Variants in AQP6 observed in about 807,000 individuals in gnomAD.
The protein encoded by AQP6 is aquaporin-6.
Under a neutral mutation model 16.3 loss-of-function variants are expected in AQP6, and 14 were observed. That is an observed-to-expected ratio of 0.86 (90% CI 0.57 to 1.34). The LOEUF is 1.34. Ranked by LOEUF, AQP6 falls within the 40% of genes most tolerant of loss-of-function variation. The pLI is 0.00. For synonymous variants in AQP6, 178 were observed against 166.8 expected (o/e 1.07, Z -0.52); for missense variants, 331 against 379.7 (o/e 0.87, Z 1.07).
chr12:49,973,037 G>A lies in AQP6; in HGVS notation c.-137G>A. 8.2e-7 allele frequency: 1 copy of A among 1,215,988 alleles called. No individual in the cohort carries two copies. Among genetic ancestry groups the A allele is most frequent in the Non-Finnish European group, 1.1e-6 (1 of 897,998 alleles). The allele number at this position is 1,215,988 out of a possible 1,614,324, so 75.3% of individuals were successfully genotyped here. A position where few individuals can be genotyped will look rare whatever the true frequency, so the allele number is the denominator to read the frequency against. On this transcript the variant is annotated 5_prime_UTR_variant, in exon 1 of 4. Coordinates refer to ENST00000315520, the MANE Select transcript of AQP6 (RefSeq NM_001652.4). Reference sequence around the variant, plus strand: ...AGCGTGGTGGAGGAGCTGCAGGTGGGGGCCAGAGAAGCCTCCACAGAGAGC... The same window carrying A: ...AGCGTGGTGGAGGAGCTGCAGGTGGAGGCCAGAGAAGCCTCCACAGAGAGC...
intron 3 of AQP6, 139 bp downstream of exon 3, chr12:49,974,965 A>C (rs1947560760): frequency 6.9e-7 from 1 of 1,448,030 alleles, no homozygotes; most frequent in East Asian, 2.5e-5. Flanking sequence ...TTTCGGCTTC[A>C]GTTGCCCAGG....
Position 49,973,228 on chromosome 12 carries a change from C to A in AQP6, c.55C>A (p.Leu19Ile). 1 of 1,613,848 alleles carries A rather than the reference C, an allele frequency of 6.2e-7. No individual in the cohort carries two copies. The highest frequency in any genetic ancestry group is 8.5e-7 in the Non-Finnish European group (1 of 1,179,888). The change falls in exon 1 of 4, where the codon CTT becomes ATT. Residue 19 changes from leucine to isoleucine, a missense_variant. Leu to Ile is a conservative substitution (Grantham distance 5). Coordinates refer to ENST00000315520, the MANE Select transcript of AQP6 (RefSeq NM_001652.4). ...CTGGGCCAGCATGTTGGCGTGCAGG[C>A]TTTGGAAAGCCATCAGCAGGGCGCT... Reference protein sequence around the residue: ...RGWASMLACRLWKAISRALFA... With the variant: ...RGWASMLACRIWKAISRALFA...
At chr12:49,973,773 G>A in intron 1 of AQP6, 198 bp downstream of exon 1, 1 of 1,085,310 alleles carries the variant, frequency 9.2e-7, no homozygotes. Context: ...ATGGGATAGT[G>A]GCGCGAAGAA....
At position 49,976,244 on chromosome 12, in the gene AQP6, G is replaced by A. The variant is rs1405018230; in HGVS notation, c.*573G>A. 2.0e-5 allele frequency: 3 copies of A among 151,024 alleles called. No homozygotes were observed. The highest frequency in any genetic ancestry group is 2.0e-4 in the Admixed American group (3 of 15,114). 9.4% of individuals were successfully genotyped at this position (151,024 alleles called of 1,614,324 possible). A position where few individuals can be genotyped will look rare whatever the true frequency, so the allele number is the denominator to read the frequency against. On this transcript the variant is annotated 3_prime_UTR_variant, in exon 4 of 4. Coordinates refer to ENST00000315520, the MANE Select transcript of AQP6 (RefSeq NM_001652.4). ...GAGACTGCTCTACCAATAGATCTTTGTTTGTTTTGAGACAGAATCTTGATC... is the reference window on the plus strand; with the variant it reads ...GAGACTGCTCTACCAATAGATCTTTATTTGTTTTGAGACAGAATCTTGATC...
In AQP6 at chr12:49,973,003, G is replaced by C. The variant is rs1471705574; in HGVS notation, c.-171G>C. 1 of 919,458 alleles carries C rather than the reference G, an allele frequency of 1.1e-6. No homozygotes were observed. Among genetic ancestry groups the C allele is most frequent in the Admixed American group, 2.9e-5 (1 of 34,306 alleles). The allele number at this position is 919,458 out of a possible 1,614,324, so 57.0% of individuals were successfully genotyped here. On this transcript the variant is annotated 5_prime_UTR_variant, in exon 1 of 4. Transcript: ENST00000315520. The stretch of plus-strand genomic sequence containing the variant: ...CTGCCAGTCTGACCAGCACAGTCCT[G>C]GGGACAGGAGCGTGGTGGAGGAGCT...
At position 49,974,262 on chromosome 12, in the gene AQP6, G is replaced by T. The variant is rs75601393; in HGVS notation, c.403-62G>T. On this transcript the variant is annotated intron_variant, in intron 1 of 3. Coordinates refer to ENST00000315520, the MANE Select transcript of AQP6 (RefSeq NM_001652.4). ...TGAGGAGACCAGGCCCAGTGGCAGG[G>T]GTTTCTCTGTCTGTCCGTGGGCAGA... The T allele has an allele frequency of 6.0e-3, 8,812 of 1,457,428 alleles. 36 individuals carry two copies. The highest frequency in any genetic ancestry group is 7.4e-3 in the Non-Finnish European group (8,136 of 1,097,460). The allele number at this position is 1,457,428 out of a possible 1,614,324, so 90.3% of individuals were successfully genotyped here. A position where few individuals can be genotyped will look rare whatever the true frequency, so the allele number is the denominator to read the frequency against.
In AQP6 at chr12:49,973,395, G is replaced by T; in HGVS notation, c.222G>T (p.Trp74Cys). 6.2e-7 allele frequency: 1 copy of T among 1,613,058 alleles called. No homozygotes were observed. Among genetic ancestry groups the T allele is most frequent in the Non-Finnish European group, 8.5e-7 (1 of 1,180,036 alleles). The change falls in exon 1 of 4, where the codon TGG becomes TGT. Residue 74 changes from tryptophan to cysteine, a missense_variant. Coordinates refer to ENST00000315520, the MANE Select transcript of AQP6 (RefSeq NM_001652.4). Reference sequence around the variant, plus strand: ...CCGCCATGGCTGTGCAGGTCACCTGGAAGGCCAGCGGGGCCCACGCCAACC... The same window carrying T: ...CCGCCATGGCTGTGCAGGTCACCTGTAAGGCCAGCGGGGCCCACGCCAACC... ...LVTAMAVQVT[W>C]KASGAHANPA...
At chr12:49,973,607 G>C in intron 1 of AQP6, 32 bp downstream of exon 1, 3 of 1,554,112 alleles carry the variant, frequency 1.9e-6, no homozygotes, top group Non-Finnish European at 2.6e-6. Flanking sequence ...TGGAGGGCCA[G>C]GAGGCGGGAA....
In AQP6 at chr12:49,973,002, TG is replaced by T; in HGVS notation, c.-168del. On this transcript the variant is annotated 5_prime_UTR_variant, in exon 1 of 4. Coordinates refer to ENST00000315520, the MANE Select transcript of AQP6 (RefSeq NM_001652.4). ...CCTGCCAGTCTGACCAGCACAGTCC[TG>T]GGGACAGGAGCGTGGTGGAGGAGCT... The T allele has an allele frequency of 1.1e-6, 1 of 917,456 alleles. No individual in the cohort carries two copies. Among genetic ancestry groups the T allele is most frequent in the Non-Finnish European group, 1.6e-6 (1 of 627,044 alleles). The allele number at this position is 917,456 out of a possible 1,614,324, so 56.8% of individuals were successfully genotyped here. A position where few individuals can be genotyped will look rare whatever the true frequency, so the allele number is the denominator to read the frequency against.
At position 49,974,237 on chromosome 12, in the gene AQP6, T is replaced by C. The variant is rs1240852176; in HGVS notation, c.403-87T>C. ...CAGTGAGGTGTCACCCCCCTCCAGCTGAGGAGACCAGGCCCAGTGGCAGGG... is the reference window on the plus strand; with the variant it reads ...CAGTGAGGTGTCACCCCCCTCCAGCCGAGGAGACCAGGCCCAGTGGCAGGG... On this transcript the variant is annotated intron_variant, in intron 1 of 3. Coordinates refer to ENST00000315520, the MANE Select transcript of AQP6 (RefSeq NM_001652.4). 14 of 1,438,708 alleles carry C rather than the reference T, an allele frequency of 9.7e-6. No individual in the cohort carries two copies. The Admixed American group carries it at 2.2e-4, about 22-fold the overall frequency. 89.1% of individuals were successfully genotyped at this position (1,438,708 alleles called of 1,614,324 possible).
At chr12:49,974,228 C>G (rs2137171281) in intron 1 of AQP6, 96 bp from the exon 2 acceptor site, 2 of 1,433,468 alleles carry the variant, frequency 1.4e-6, no homozygotes, top group Admixed American at 2.4e-5. Flanking sequence ...GGTGTCACCC[C>G]CCTCCAGCTG....
chr12:49,974,038 C>T, intron 1 of AQP6: 1 of 1,209,432 alleles, frequency 8.3e-7, no homozygotes, highest in Non-Finnish European at 1.0e-6. Context: ...TCCCCCAAAT[C>T]TCCTCCTTCC....
rs1217122922 is a variant in AQP6, at chr12:49,974,802, C to T, written c.618C>T (p.Ile206=). ...NPARSFGPAI[I]IGKFTVHWVF... The stretch of plus-strand genomic sequence containing the variant: ...CCCGCTCCTTCGGCCCTGCCATCAT[C>T]ATTGGGAAGTTCACAGTCCACTGGG... Residue 206 remains isoleucine (I), a synonymous_variant, in exon 3 of 4, where the codon ATC becomes ATT. Coordinates refer to ENST00000315520, the MANE Select transcript of AQP6 (RefSeq NM_001652.4). The T allele has an allele frequency of 1.2e-6, 2 of 1,614,134 alleles. No homozygotes were observed. The highest frequency in any genetic ancestry group is 1.7e-6 in the Non-Finnish European group (2 of 1,180,046).
Position 49,974,333 on chromosome 12 carries a change from A to G in AQP6, c.412A>G (p.Ser138Gly). 1 of 1,579,406 alleles carries G rather than the reference A, an allele frequency of 6.3e-7. No individual in the cohort carries two copies. Among genetic ancestry groups the G allele is most frequent in the Non-Finnish European group, 8.6e-7 (1 of 1,159,012 alleles). Reference protein sequence around the residue: ...ETLGINVVRNSVSTGQAVAVE... With the variant: ...ETLGINVVRNGVSTGQAVAVE... Reference sequence around the variant, plus strand: ...AACTCCCTCTGTCCAGGTCCGGAACAGTGTCTCAACTGGCCAGGCGGTGGC... The same window carrying G: ...AACTCCCTCTGTCCAGGTCCGGAACGGTGTCTCAACTGGCCAGGCGGTGGC... The change falls in exon 2 of 4, where the codon AGT becomes GGT. Residue 138 changes from serine (S) to glycine (G), a missense_variant. Coordinates refer to ENST00000315520, the MANE Select transcript of AQP6 (RefSeq NM_001652.4).
chr12:49,975,587 G>A lies in AQP6; in HGVS notation c.765G>A (p.Val255=), dbSNP rs1947566090. 1.9e-6 allele frequency: 3 copies of A among 1,609,772 alleles called. No individual in the cohort carries two copies. Among genetic ancestry groups the A allele is most frequent in the African/African-American group, 2.7e-5 (2 of 74,604 alleles). The change falls in exon 4 of 4, where the codon GTG becomes GTA. Residue 255 remains valine, a synonymous_variant. Coordinates refer to ENST00000315520, the MANE Select transcript of AQP6 (RefSeq NM_001652.4). This position sits in a 1 kb window ranked among gnomAD's most constrained non-coding sequence, Gnocchi z 4.4. ...RLAILTGTVE[V]GTGAGAGAEP... Reference sequence around the variant, plus strand: ...CTATCCTCACAGGCACCGTAGAGGTGGGGACAGGGGCAGGGGCAGGGGCGG... The same window carrying A: ...CTATCCTCACAGGCACCGTAGAGGTAGGGACAGGGGCAGGGGCAGGGGCGG...
rs150677602 is a variant in AQP6, at chr12:49,973,199, G to T, written c.26G>T (p.Arg9Leu). ...ATGGATGCAGTGGAGCCAGGGGGACGTGGCTGGGCCAGCATGTTGGCGTGC... is the reference window on the plus strand; with the variant it reads ...ATGGATGCAGTGGAGCCAGGGGGACTTGGCTGGGCCAGCATGTTGGCGTGC... MDAVEPGGRGWASMLACRL... is the reference protein window; with the variant it reads MDAVEPGGLGWASMLACRL... Residue 9 changes from arginine to leucine, a missense_variant, in exon 1 of 4, where the codon CGT becomes CTT. Physicochemically the swap from Arg to Leu is moderately radical, Grantham distance 102 (BLOSUM62 -2). Coordinates refer to ENST00000315520, the MANE Select transcript of AQP6 (RefSeq NM_001652.4). 1.2e-6 allele frequency: 2 copies of T among 1,610,574 alleles called. No individual in the cohort carries two copies. Among genetic ancestry groups the T allele is most frequent in the Non-Finnish European group, 1.7e-6 (2 of 1,177,912 alleles).
At position 49,977,091 on chromosome 12, in the gene AQP6, A is replaced by AG; in HGVS notation, c.*1421dup. On this transcript the variant is annotated 3_prime_UTR_variant, in exon 4 of 4. Transcript: ENST00000315520. ...AATCAAGAAATCGGAAAATACTTTC[A>AG]GAAGTTAAAATGCTAGAAAAACAAC... is the stretch of plus-strand genomic sequence containing the variant. The AG allele has an allele frequency of 1.4e-6, 1 of 692,460 alleles. No individual in the cohort carries two copies. Among genetic ancestry groups the AG allele is most frequent in the South Asian group, 1.5e-5 (1 of 65,118 alleles). The allele number at this position is 692,460 out of a possible 1,614,324, so 42.9% of individuals were successfully genotyped here. A position where few individuals can be genotyped will look rare whatever the true frequency, so the allele number is the denominator to read the frequency against.
Position 49,976,685 on chromosome 12 carries a change from A to C in AQP6, c.*1014A>C, listed in dbSNP as rs546889522. ...GGTTTGAGCCAGACAGGCCTTTCCC[A>C]GGGAAGCCTCCTCCCAGGTGCTTGC... On this transcript the variant is annotated 3_prime_UTR_variant, in exon 4 of 4. Coordinates refer to ENST00000315520, the MANE Select transcript of AQP6 (RefSeq NM_001652.4). 2.5e-6 allele frequency: 1 copy of C among 405,146 alleles called. No individual in the cohort carries two copies. Among genetic ancestry groups the C allele is most frequent in the South Asian group, 4.8e-5 (1 of 20,826 alleles). 25.1% of individuals were successfully genotyped at this position (405,146 alleles called of 1,614,324 possible).
rs1947538610 is a variant in AQP6, at chr12:49,972,962, C to T, written c.-212C>T. The T allele has an allele frequency of 1.1e-5, 7 of 639,096 alleles. No homozygotes were observed. Among genetic ancestry groups the T allele is most frequent in the South Asian group, 2.3e-5 (1 of 43,988 alleles). The allele number at this position is 639,096 out of a possible 1,614,324, so 39.6% of individuals were successfully genotyped here. A position where few individuals can be genotyped will look rare whatever the true frequency, so the allele number is the denominator to read the frequency against. On this transcript the variant is annotated 5_prime_UTR_variant, in exon 1 of 4. Transcript: ENST00000315520. ...TTCCACCCCCATACACATGCATAAG[C>T]CCATCCGCCTGCGCCCTGCCAGTCT... is the stretch of plus-strand genomic sequence containing the variant.
Sources: allele counts gnomAD v4.1 joint callset, GRCh38; gene constraint gnomAD v4.1.1; non-coding constraint Gnocchi (gnomAD v3.1); transcripts MANE v1.5; gene names NCBI Gene and HGNC (gene_info 2026-07-23, HGNC 2026-07-21).